The following HS3ST5 variants were observed in gnomAD, a reference collection of about 807,000 sequenced individuals.
HS3ST5 encodes heparan sulfate-glucosamine 3-sulfotransferase 5.
HS3ST5 carries 10 observed loss-of-function variants against 25.4 expected under a neutral mutation model. The ratio of observed to expected loss-of-function variants is 0.39; its 90% CI spans 0.24 to 0.67. The LOEUF (loss-of-function observed/expected upper bound fraction) is 0.67. Ranked by LOEUF, HS3ST5 falls within the 30% of genes least tolerant of loss-of-function variation. The probability of loss-of-function intolerance (pLI) is 0.44; values close to 1 mark genes in which losing one functional copy is unlikely to be tolerated. For missense variants in HS3ST5, 324 were observed against 420.7 expected, an observed-to-expected ratio of 0.77 and a Z score of 2.01; for synonymous variants, 170 against 162.4, an observed-to-expected ratio of 1.05 and a Z score of -0.36.
In HS3ST5 at chr6:114,342,750, TC is replaced by T. The variant is rs1776942159; in HGVS notation, c.-895del. 1 of 152,400 alleles carries T rather than the reference TC, an allele frequency of 6.6e-6. No individual in the cohort carries two copies. The highest frequency in any genetic ancestry group is 1.5e-5 in the Non-Finnish European group (1 of 68,312). 9.4% of individuals were successfully genotyped at this position (152,400 alleles called of 1,614,324 possible). ...GGTGACAGCTCCTCGGGCAGCCCGC[TC>T]CCTCCCAATCCGCCCAAAAGAGCAA... On this transcript the variant is annotated 5_prime_UTR_variant, in exon 1 of 5. Transcript: ENST00000312719.
At chr6:114,169,277 A>T (rs1779359596) in intron 2 of HS3ST5, among the ~76,000 whole-genome samples, 1 of 151,932 alleles carries the variant, frequency 6.6e-6, no homozygotes, top group African/African-American at 2.4e-5. Flanking sequence ...TTATATGCAA[A>T]TATATTTAGG....
intron 1 of HS3ST5, among the ~76,000 whole-genome samples, chr6:114,244,958 T>C (rs1772312890): frequency 1.3e-5 from 2 of 152,220 alleles, no homozygotes; most frequent in Non-Finnish European, 2.9e-5. Context: ...CATGATAACA[T>C]ATTACCTTCA....
chr6:114,256,802 T>A (rs1483008089), intron 1 of HS3ST5, among the ~76,000 whole-genome samples: 1 of 152,228 alleles, frequency 6.6e-6, no homozygotes, highest in African/African-American at 2.4e-5. Flanking sequence ...TTCAGGTATC[T>A]TTACAGTAGT....
At chr6:114,290,231 A>C (rs189535932) in intron 1 of HS3ST5, among the ~76,000 whole-genome samples, 8 of 152,170 alleles carry the variant, frequency 5.3e-5, no homozygotes, top group Non-Finnish European at 1.2e-4. Flanking sequence ...TCGAAGACAC[A>C]CTAAACACAG....
At position 114,208,392 on chromosome 6, in the gene HS3ST5, C is replaced by T. The variant is rs1416922627; in HGVS notation, c.-145+20193G>A. 4.6e-5 allele frequency among the ~76,000 whole-genome samples: 7 copies of T among 152,330 alleles called. No individual in the cohort carries two copies. In the South Asian group the frequency reaches 8.3e-4, roughly 18 times the overall value. On this transcript the variant is annotated intron_variant, in intron 2 of 4. Coordinates refer to ENST00000312719, the MANE Select transcript of HS3ST5 (RefSeq NM_153612.4). ...CCACATTTGGGGTTGAAGAACTCTT[C>T]ATTGTGGGCACTGGTCATTCACCCA... is the stretch of plus-strand genomic sequence containing the variant.
In HS3ST5 at chr6:114,100,267, G is replaced by T. The variant is rs561790811; in HGVS notation, c.-32-37390C>A. Among the ~76,000 whole-genome samples the T allele has an allele frequency of 2.6e-5, 4 of 152,106 alleles. No individual in the cohort carries two copies. In the East Asian group the frequency reaches 7.8e-4, roughly 29 times the overall value. ...TCAAGACAATCTTTATAGTCTCTGG[G>T]TCACGTTCTCCACGCAGAGATTGCA... On this transcript the variant is annotated intron_variant, in intron 3 of 4. Transcript: ENST00000312719.
chr6:114,241,557 T>A lies in HS3ST5; in HGVS notation c.-338-12779A>T, dbSNP rs148542929. 3.8e-3 allele frequency among the ~76,000 whole-genome samples: 582 copies of A among 152,336 alleles called. 5 individuals carry two copies. The highest frequency in any genetic ancestry group is 0.013 in the African/African-American group (525 of 41,574). Reference sequence around the variant, plus strand: ...GTTGGGCTCTTATCAGGCAAAGTCATAATGAGGAAATTTATCCACTTGGTA... The same window carrying A: ...GTTGGGCTCTTATCAGGCAAAGTCAAAATGAGGAAATTTATCCACTTGGTA... On this transcript the variant is annotated intron_variant, in intron 1 of 4. Transcript: ENST00000312719.
chr6:114,328,199 AAAG>A (rs758862257), intron 1 of HS3ST5, among the ~76,000 whole-genome samples: 6 of 152,110 alleles, frequency 3.9e-5, no homozygotes, highest in Non-Finnish European at 5.9e-5. Flanking sequence ...TACAGAAGGT[AAAG>A]AAGAAGTGAA....
At chr6:114,178,516 C>T (rs1356253896) in intron 2 of HS3ST5, 1 of 152,178 alleles carries the variant, frequency 6.6e-6, no homozygotes, top group Non-Finnish European at 1.5e-5. Flanking sequence ...CTAAAAGGTT[C>T]CCAGAGCTGC....
rs578215681 is a variant in HS3ST5 at position 114,294,261 on chromosome 6, T to C, written c.-339+47934A>G. Among the ~76,000 whole-genome samples, 8 of 152,260 alleles carry C rather than the reference T, an allele frequency of 5.3e-5. No individual in the cohort carries two copies. In the East Asian group the frequency reaches 1.5e-3, roughly 29 times the overall value. On this transcript the variant is annotated intron_variant, in intron 1 of 4. Transcript: ENST00000312719. ...GAATTAGTGTTCACCAACACCACAA[T>C]GCTTACACTTTACTAGATGATGAAC...
intron 1 of HS3ST5, among the ~76,000 whole-genome samples, chr6:114,306,278 CATATATATAT>C (rs532519086): frequency 2.3e-3 from 323 of 141,532 alleles, no homozygotes; most frequent in African/African-American, 7.9e-3. Flanking sequence ...CACACACACA[CATATATATAT>C]ATATAAAATA....
At chr6:114,186,333 T>C (rs1780216516) in intron 2 of HS3ST5, among the ~76,000 whole-genome samples, 1 of 152,058 alleles carries the variant, frequency 6.6e-6, no homozygotes, top group Non-Finnish European at 1.5e-5. Context: ...TTCAAGGAAA[T>C]TAAAAATTGC....
At chr6:114,072,354 G>A (rs1434897148) in intron 3 of HS3ST5, among the ~76,000 whole-genome samples, 3 of 152,080 alleles carry the variant, frequency 2.0e-5, no homozygotes. Flanking sequence ...GAGTCATGTG[G>A]TGATGCCCAT....
chr6:114,299,678 T>C (rs978934657), intron 1 of HS3ST5, among the ~76,000 whole-genome samples: 1 of 152,184 alleles, frequency 6.6e-6, no homozygotes, highest in Admixed American at 6.5e-5. Context: ...GGTTCCCCGA[T>C]AGTCCTGTAC....
chr6:114,151,213 T>C (rs1462920559), intron 3 of HS3ST5, among the ~76,000 whole-genome samples: 1 of 152,200 alleles, frequency 6.6e-6, no homozygotes, highest in Non-Finnish European at 1.5e-5. Context: ...ACCCACAAAA[T>C]AGCTATCCGA....
At chr6:114,092,849 A>G (rs1417762083) in intron 3 of HS3ST5, among the ~76,000 whole-genome samples, 1 of 151,552 alleles carries the variant, frequency 6.6e-6, no homozygotes, top group African/African-American at 2.4e-5. Context: ...CTAATTTTGT[A>G]TTTTCAGTAG....
At chr6:114,237,777 A>C (rs1051814555) in intron 1 of HS3ST5, among the ~76,000 whole-genome samples, 5 of 152,360 alleles carry the variant, frequency 3.3e-5, no homozygotes, top group Middle Eastern at 3.4e-3. Flanking sequence ...TTAGAATCTA[A>C]TAGTAGTTTT....
chr6:114,238,472 C>T (rs1314509648), intron 1 of HS3ST5, among the ~76,000 whole-genome samples: 1 of 152,064 alleles, frequency 6.6e-6, no homozygotes, highest in Non-Finnish European at 1.5e-5. Flanking sequence ...TTTTGTGTGT[C>T]TTTAAAAAGA....
chr6:114,270,267 TTA>T (rs1188347026), intron 1 of HS3ST5, among the ~76,000 whole-genome samples: 2 of 152,176 alleles, frequency 1.3e-5, no homozygotes. Flanking sequence ...AGTAATTTAA[TTA>T]GTCTATTGCA....
Sources: gnomAD v4.1 joint callset for allele counts (sites outside exome capture counted in the v4.1 genomes callset) on GRCh38, gnomAD v4.1.1 for gene constraint, MANE v1.5 for transcripts, NCBI Gene and HGNC (gene_info 2026-07-23, HGNC 2026-07-21) for gene names.